Variants in CPZ observed in about 807,000 individuals in gnomAD.
CPZ encodes VEZT/CPZ fusion.
A neutral mutation model predicts 61.8 loss-of-function variants in CPZ; 103 were observed. The ratio of observed to expected loss-of-function variants is 1.67; its 90% confidence interval spans 1.42 to 1.96. CPZ has a LOEUF of 1.96. Ranked by LOEUF, CPZ falls within the 30% of genes most tolerant of loss-of-function variation. The pLI is 0.00. For missense variants in CPZ, 1,461 were observed against 914.9 expected, an observed-to-expected ratio of 1.60 and a Z score of -7.70; for synonymous variants, 551 against 373.7, an observed-to-expected ratio of 1.47 and a Z score of -5.47.
At chr4:8,612,848 G>A (rs970867114) in intron 8 of CPZ, among the ~76,000 whole-genome samples, 1 of 152,232 alleles carries the variant, frequency 6.6e-6, no homozygotes, top group Non-Finnish European at 1.5e-5. Context: ...AGGGCCACAG[G>A]TGGCAGAGCC....
intron 1 of CPZ, among the ~76,000 whole-genome samples, chr4:8,594,476 A>G (rs537158615): frequency 5.9e-5 from 9 of 151,976 alleles, no homozygotes; most frequent in Admixed American, 1.3e-4. Context: ...TGACTCCTCA[A>G]CTCTGCTGTG....
Position 8,600,980 on chromosome 4 carries a change from G to T in CPZ, c.122-143G>T, listed in dbSNP as rs576802425. On this transcript the variant is annotated intron_variant, in intron 2 of 10. Transcript: ENST00000360986. ...AGGCTCTGATTCCTGCACAGTAGCT[G>T]TTGTCCTGGTCCTCCCCTGCCAGAC... 5.0e-6 allele frequency: 7 copies of T among 1,411,676 alleles called. No individual in the cohort carries two copies. The East Asian group carries it at 1.0e-4, about 21-fold the overall frequency. 87.4% of individuals were successfully genotyped at this position (1,411,676 alleles called of 1,614,324 possible).
chr4:8,618,380 C>A, intron 9 of CPZ, 49 bp from the exon 10 acceptor site: 1 of 1,581,892 alleles, frequency 6.3e-7, no homozygotes, highest in Non-Finnish European at 8.7e-7. Flanking sequence ...CCTCCACGCT[C>A]AGCAGGAGAG....
At chr4:8,606,975 T>G in intron 6 of CPZ, 77 bp downstream of exon 6, 1 of 1,475,066 alleles carries the variant, frequency 6.8e-7, no homozygotes, top group Non-Finnish European at 9.1e-7. Flanking sequence ...TCTCTGGAGT[T>G]GTCCTTCCCT....
At chr4:8,616,349 G>T (rs1318626954) in intron 9 of CPZ, among the ~76,000 whole-genome samples, 1 of 152,170 alleles carries the variant, frequency 6.6e-6, no homozygotes, top group Admixed American at 6.5e-5. Context: ...GTTTCATGAA[G>T]GTGACCCGTG....
intron 2 of CPZ, among the ~76,000 whole-genome samples, chr4:8,600,587 A>G (rs3756169): frequency 1.3e-5 from 2 of 152,180 alleles, no homozygotes; most frequent in African/African-American, 2.4e-5. Flanking sequence ...TGAGGACCCT[A>G]CCCTCTGCCT....
At chr4:8,605,595 T>TATTCATCC (rs1553876805) in intron 4 of CPZ, among the ~76,000 whole-genome samples, 2 of 103,492 alleles carry the variant, frequency 1.9e-5, no homozygotes, top group African/African-American at 1.3e-4. Context: ...AGCCAGCCAT[T>TATTCATCC]ATTCATCCAT....
chr4:8,599,386 C>A, intron 1 of CPZ, 67 bp from the exon 2 acceptor site: 3 of 1,522,936 alleles, frequency 2.0e-6, no homozygotes, highest in Non-Finnish European at 1.8e-6. Context: ...GGGCCCTGGC[C>A]GTGTGTTGCC....
rs776755903 is a variant in CPZ, at chr4:8,606,019, T to C, written c.740T>C (p.Ile247Thr). ...CCCGAGGTGAAGCTCATCGGCAACA[T>C]TCATGGCAACGAGGTGGCGGGCCGG... ...MEPEVKLIGN[I>T]HGNEVAGREM... The change falls in exon 5 of 11, where the codon ATT (isoleucine) becomes ACT (threonine). Residue 247 changes from isoleucine to threonine, a missense_variant. Physicochemically the swap from Ile to Thr is moderately conservative, Grantham distance 89 (BLOSUM62 -1). Transcript: ENST00000360986. The C allele has an allele frequency of 1.2e-6, 2 of 1,614,060 alleles. No homozygotes were observed. The highest frequency in any genetic ancestry group is 1.1e-5 in the South Asian group (1 of 91,086).
At position 8,592,839 on chromosome 4, in the gene CPZ, G is replaced by A. The variant is rs776012468; in HGVS notation, c.6G>A (p.Pro2=). 2.7e-6 allele frequency: 4 copies of A among 1,473,534 alleles called. No individual in the cohort carries two copies. Among genetic ancestry groups the A allele is most frequent in the African/African-American group, 1.5e-5 (1 of 68,402 alleles). 91.3% of individuals were successfully genotyped at this position (1,473,534 alleles called of 1,614,324 possible). ...CCAAGGTCCGCCGCCCCACCATGCC[G>A]CCCCCGCTGCCGCTGCTGCTCCTTA... M[P]PPLPLLLLTV... is the part of the protein sequence containing the mutation. Residue 2 remains proline, a synonymous_variant, in exon 1 of 11, where the codon CCG becomes CCA. Coordinates refer to ENST00000360986, the MANE Select transcript of CPZ (RefSeq NM_001014447.3).
intron 1 of CPZ, among the ~76,000 whole-genome samples, chr4:8,598,591 G>T (rs1378858129): frequency 2.0e-5 from 3 of 152,234 alleles, no homozygotes; most frequent in Admixed American, 1.3e-4. Flanking sequence ...CCACTGCCCA[G>T]CCTGCCCCCT....
rs1450333003 is a variant in CPZ at position 8,609,079 on chromosome 4, TAC to T, written c.1227+1656_1227+1657del. Among the ~76,000 whole-genome samples the T allele has an allele frequency of 1.3e-3, 22 of 16,438 alleles. 1 individual carries two copies. In the South Asian group the frequency reaches 0.014, roughly 10 times the overall value. The allele number at this position is 16,438 out of a possible 152,430, so 10.8% of individuals were successfully genotyped here. A position where few individuals can be genotyped will look rare whatever the true frequency, so the allele number is the denominator to read the frequency against. On this transcript the variant is annotated intron_variant, in intron 7 of 10. Transcript: ENST00000360986. ...CCCTCACTCCCTCACTCACCACTCA[TAC>T]ATTCACCCATTCACTCACTCACTCC...
intron 8 of CPZ, among the ~76,000 whole-genome samples, chr4:8,613,720 C>G (rs188105174): frequency 6.6e-6 from 1 of 152,216 alleles, no homozygotes; most frequent in South Asian, 2.1e-4. Flanking sequence ...AGGGCAGAAG[C>G]GGGTATGGCT....
In CPZ at chr4:8,617,159, G is replaced by C. The variant is rs374893072; in HGVS notation, c.1504-1270G>C. Among the ~76,000 whole-genome samples, 10 of 152,360 alleles carry C rather than the reference G, an allele frequency of 6.6e-5. No individual in the cohort carries two copies. In the East Asian group the frequency reaches 1.9e-3, roughly 29 times the overall value. ...GCGTGTGTCAGGCCAGTCGGTTTCT[G>C]CATCGGTCACGGCGGGGGTCAGCCG... On this transcript the variant is annotated intron_variant, in intron 9 of 10. Transcript: ENST00000360986.
Position 8,619,673 on chromosome 4 carries a change from G to A in CPZ, c.*56G>A, listed in dbSNP as rs1319327787. On this transcript the variant is annotated 3_prime_UTR_variant, in exon 11 of 11. Coordinates refer to ENST00000360986, the MANE Select transcript of CPZ (RefSeq NM_001014447.3). ...GACCGAGGCCCATCTCCGCATCCCG[G>A]GCTCCTGGCTCTTGATTTTGTCTGC... 1.5e-6 allele frequency: 2 copies of A among 1,312,224 alleles called. No homozygotes were observed. The highest frequency in any genetic ancestry group is 1.5e-5 in the African/African-American group (1 of 66,960). The allele number at this position is 1,312,224 out of a possible 1,614,324, so 81.3% of individuals were successfully genotyped here.
At chr4:8,617,530 C>A (rs1577131094) in intron 9 of CPZ, among the ~76,000 whole-genome samples, 1 of 152,226 alleles carries the variant, frequency 6.6e-6, no homozygotes, top group Non-Finnish European at 1.5e-5. Context: ...GGAAAACAGT[C>A]TCTCCAACCT....
At chr4:8,600,974 G>A in intron 2 of CPZ, 149 bp from the exon 3 acceptor site, 2 of 1,406,166 alleles carry the variant, frequency 1.4e-6, no homozygotes, top group African/African-American at 1.4e-5. Flanking sequence ...TTCCTGCACA[G>A]TAGCTGTTGT....
chr4:8,607,298 G>A lies in CPZ; in HGVS notation c.1100G>A (p.Trp367Ter). 6.2e-7 allele frequency: 1 copy of A among 1,614,074 alleles called. No homozygotes were observed. ...CCGGAGACAAAGGCAATCATGAAGT[G>A]GATGCAGACCATACCCTTTGTGCTC... ...VAPETKAIMK[W>*]MQTIPFVLSA... Residue 367 changes from tryptophan to a stop codon, truncating the protein, a stop_gained, in exon 7 of 11, where the codon TGG becomes TAG. Coordinates refer to ENST00000360986, the MANE Select transcript of CPZ (RefSeq NM_001014447.3). LOFTEE classifies it high-confidence loss of function.
intron 8 of CPZ, 55 bp downstream of exon 8, chr4:8,612,217 T>TGGGGGGGGGGGGGGGGG: frequency 1.5e-5 from 1 of 68,040 alleles, no homozygotes; most frequent in Non-Finnish European, 2.9e-5. Flanking sequence ...AGGGGCTGGG[T>TGGGGGGGGGGGGGGGGG]GGGGCAGGGG....
Sources: allele counts gnomAD v4.1 joint callset (sites outside exome capture counted in the v4.1 genomes callset), GRCh38; gene constraint gnomAD v4.1.1; transcripts MANE v1.5; gene names NCBI Gene and HGNC (gene_info 2026-07-23, HGNC 2026-07-21).